The following LNX2 variants were observed in gnomAD, a reference collection of about 807,000 sequenced individuals.
The protein encoded by LNX2 is ligand of Numb protein X 2.
A neutral mutation model predicts 66.2 loss-of-function variants in LNX2; 35 were observed. The observed-to-expected ratio is 0.53, with a 90% CI of 0.40 to 0.70. The LOEUF (loss-of-function observed/expected upper bound fraction) is 0.70. LNX2 is among the 30% of genes least tolerant of loss of function. The pLI, the probability that LNX2 is intolerant of heterozygous loss-of-function variation, is 0.00. For missense variants in LNX2, 791 were observed against 850.8 expected (o/e 0.93, Z 0.87); for synonymous variants, 337 against 315.6 (o/e 1.07, Z -0.72).
rs1197533102 is a variant in LNX2, at chr13:27,553,253, T to A, written c.1733A>T (p.Asp578Val). 1 of 1,614,018 alleles carries A rather than the reference T, an allele frequency of 6.2e-7. No homozygotes were observed. Among genetic ancestry groups the A allele is most frequent in the Non-Finnish European group, 8.5e-7 (1 of 1,180,014 alleles). ...QPSTFSENEY[D>V]ASWSPSWVMW... Reference sequence around the variant, plus strand: ...GACCCATGATGGGGACCAACTGGCATCATACTCATTTTCGCTGAAAGTACT... The same window carrying A: ...GACCCATGATGGGGACCAACTGGCAACATACTCATTTTCGCTGAAAGTACT... Residue 578 changes from aspartate to valine, a missense_variant, in exon 8 of 10, where the codon GAT becomes GTT. Transcript: ENST00000316334.
At chr13:27,594,299 T>C (rs1448670231) in intron 1 of LNX2, among the ~76,000 whole-genome samples, 1 of 152,210 alleles carries the variant, frequency 6.6e-6, no homozygotes, top group Non-Finnish European at 1.5e-5. Context: ...TGAATTGTAC[T>C]GTTTTTCTTA....
At chr13:27,549,585 C>A (rs1214754436) in intron 9 of LNX2, among the ~76,000 whole-genome samples, 1 of 152,196 alleles carries the variant, frequency 6.6e-6, no homozygotes, top group Admixed American at 6.5e-5. Flanking sequence ...AGTTTCTTAA[C>A]CTTTCCAAGC....
chr13:27,586,803 G>A (rs1447405829), intron 1 of LNX2, among the ~76,000 whole-genome samples: 3 of 152,160 alleles, frequency 2.0e-5, no homozygotes, highest in African/African-American at 7.2e-5. Context: ...AGTATTGCTG[G>A]AATAGTAAAG....
chr13:27,585,451 A>T (rs1360603622), intron 1 of LNX2, among the ~76,000 whole-genome samples: 2 of 151,448 alleles, frequency 1.3e-5, no homozygotes, highest in African/African-American at 4.8e-5. Flanking sequence ...TAAATAAATA[A>T]ATATATAAAA....
chr13:27,590,880 A>C (rs1462285623), intron 1 of LNX2, among the ~76,000 whole-genome samples: 3 of 152,220 alleles, frequency 2.0e-5, no homozygotes, highest in Non-Finnish European at 2.9e-5. Flanking sequence ...GCAGCTTTCA[A>C]AGCTAATCAG....
At chr13:27,611,743 T>C (rs1487063356) in intron 1 of LNX2, among the ~76,000 whole-genome samples, 1 of 152,200 alleles carries the variant, frequency 6.6e-6, no homozygotes, top group African/African-American at 2.4e-5. Flanking sequence ...CAGTACTTAA[T>C]ATGGGAAAAA....
intron 1 of LNX2, among the ~76,000 whole-genome samples, chr13:27,616,800 A>T (rs1955832787): frequency 6.6e-6 from 1 of 152,230 alleles, no homozygotes; most frequent in Non-Finnish European, 1.5e-5. Flanking sequence ...CCCAGGCTGG[A>T]GCGCAGTGGC....
At chr13:27,551,588 G>A (rs1955008348) in intron 8 of LNX2, among the ~76,000 whole-genome samples, 1 of 151,618 alleles carries the variant, frequency 6.6e-6, no homozygotes, top group Non-Finnish European at 1.5e-5. Context: ...AAGGTTTCCT[G>A]TTTTAAATCC....
chr13:27,553,227 T>C lies in LNX2; in HGVS notation c.1759A>G (p.Met587Val), dbSNP rs1313185524. 2.5e-6 allele frequency: 4 copies of C among 1,614,054 alleles called. No homozygotes were observed. Among genetic ancestry groups the C allele is most frequent in the East Asian group, 2.2e-5 (1 of 44,868 alleles). Residue 587 changes from methionine to valine, a missense_variant, in exon 8 of 10, where the codon ATG (methionine) becomes GTG (valine). By Grantham distance (21) the Met-to-Val change is conservative. Transcript: ENST00000316334. ...CAGTACCTGGGAAGCCCAAGCCACA[T>C]GACCCATGATGGGGACCAACTGGCA... Reference protein sequence around the residue: ...YDASWSPSWVMWLGLPSTLHS... With the variant: ...YDASWSPSWVVWLGLPSTLHS...
chr13:27,582,117 C>T (rs985436537), intron 1 of LNX2, among the ~76,000 whole-genome samples: 2 of 152,106 alleles, frequency 1.3e-5, no homozygotes, highest in African/African-American at 4.8e-5. Flanking sequence ...GCAACCTCTG[C>T]CTTCCAGGCT....
At chr13:27,614,107 T>C (rs1955802185) in intron 1 of LNX2, among the ~76,000 whole-genome samples, 1 of 152,232 alleles carries the variant, frequency 6.6e-6, no homozygotes, top group Admixed American at 6.5e-5. Context: ...AAGCTAATTT[T>C]GGGAGAAATT....
At chr13:27,602,343 C>T (rs565593187) in intron 1 of LNX2, among the ~76,000 whole-genome samples, 3 of 152,206 alleles carry the variant, frequency 2.0e-5, no homozygotes, top group Non-Finnish European at 2.9e-5. Flanking sequence ...ATCATTACTC[C>T]GGGTTTTTTT....
intron 7 of LNX2, among the ~76,000 whole-genome samples, chr13:27,554,224 C>T (rs1420468586): frequency 6.6e-6 from 1 of 152,108 alleles, no homozygotes; most frequent in Non-Finnish European, 1.5e-5. Flanking sequence ...AAAATTACCC[C>T]AATACTACAA....
intron 7 of LNX2, among the ~76,000 whole-genome samples, chr13:27,554,423 A>T (rs1395086838): frequency 2.6e-5 from 4 of 151,922 alleles, no homozygotes; most frequent in Non-Finnish European, 5.9e-5. Flanking sequence ...ACCCTAAGCA[A>T]CTACTAATCT....
chr13:27,587,557 G>C (rs1026998640), intron 1 of LNX2, among the ~76,000 whole-genome samples: 5 of 152,060 alleles, frequency 3.3e-5, no homozygotes, highest in Non-Finnish European at 4.4e-5. Context: ...CACTTCAAAG[G>C]AATCAACATA....
At chr13:27,602,721 T>C (rs763473221) in intron 1 of LNX2, among the ~76,000 whole-genome samples, 12 of 152,148 alleles carry the variant, frequency 7.9e-5, no homozygotes, top group Non-Finnish European at 1.5e-4. Context: ...CCAGGGAAGG[T>C]AGATGCTTAG....
intron 2 of LNX2, among the ~76,000 whole-genome samples, chr13:27,578,030 T>C (rs1955358981): frequency 1.4e-5 from 2 of 145,802 alleles, no homozygotes; most frequent in South Asian, 2.1e-4. Flanking sequence ...ATTTCACTAA[T>C]ACATAATCAG....
chr13:27,551,260 G>A (rs1054699597), intron 8 of LNX2, among the ~76,000 whole-genome samples: 3 of 151,928 alleles, frequency 2.0e-5, no homozygotes, highest in Middle Eastern at 3.2e-3. Flanking sequence ...TTGGGTGACA[G>A]AGCAAGACCC....
At chr13:27,560,585 A>ATATATATATATATATG (rs1555267008) in intron 5 of LNX2, among the ~76,000 whole-genome samples, 2 of 147,598 alleles carry the variant, frequency 1.4e-5, no homozygotes, top group African/African-American at 5.0e-5. Flanking sequence ...ATATATATAT[A>ATATATATATATATATG]GCATACTTGT....
Sources: gnomAD v4.1 joint callset for allele counts (sites outside exome capture counted in the v4.1 genomes callset) on GRCh38, gnomAD v4.1.1 for gene constraint, MANE v1.5 for transcripts, NCBI Gene and HGNC (gene_info 2026-07-23, HGNC 2026-07-21) for gene names.